The following SND1 variants were observed in gnomAD, a reference collection of about 807,000 sequenced individuals.
SND1 encodes the protein staphylococcal nuclease domain-containing protein 1.
A neutral mutation model predicts 121.7 loss-of-function variants in SND1; 38 were observed. The ratio of observed to expected loss-of-function variants is 0.31; its 90% CI spans 0.24 to 0.41. The LOEUF (loss-of-function observed/expected upper bound fraction) is 0.41. Ranked by LOEUF, SND1 falls within the 10% of genes least tolerant of loss-of-function variation. SND1 has a pLI of 1.00. For synonymous variants in SND1, 401 were observed against 447.4 expected, an observed-to-expected ratio of 0.90 and a Z score of 1.31; for missense variants, 868 against 1,184.6, an observed-to-expected ratio of 0.73 and a Z score of 3.92.
chr7:127,795,892 C>G (rs1457979074), intron 10 of SND1, among the ~76,000 whole-genome samples: 1 of 152,010 alleles, frequency 6.6e-6, no homozygotes, highest in African/African-American at 2.4e-5. Context: ...CAGTCTTGCT[C>G]TGTCACCCAG....
At chr7:127,798,322 G>A (rs541546355) in intron 10 of SND1, among the ~76,000 whole-genome samples, 1 of 152,254 alleles carries the variant, frequency 6.6e-6, no homozygotes, top group East Asian at 1.9e-4. Context: ...GGCTAGTGTG[G>A]GTCCAGACCC....
chr7:127,808,874 C>T (rs1798287268), intron 11 of SND1, among the ~76,000 whole-genome samples: 1 of 152,206 alleles, frequency 6.6e-6, no homozygotes, highest in East Asian at 1.9e-4. Context: ...CAGTTGCTTA[C>T]AGATAGCCAA....
intron 16 of SND1, among the ~76,000 whole-genome samples, chr7:128,067,234 AAG>A (rs1793331888): frequency 1.3e-5 from 2 of 152,274 alleles, no homozygotes; most frequent in East Asian, 3.9e-4. Context: ...CCCAGCCCAT[AAG>A]AGGCAGGATT....
At chr7:127,967,996 T>C (rs1256959211) in intron 15 of SND1, among the ~76,000 whole-genome samples, 1 of 152,230 alleles carries the variant, frequency 6.6e-6, no homozygotes, top group Admixed American at 6.5e-5. Context: ...GAAGGGTTGC[T>C]CTTACCTCCA....
intron 14 of SND1, among the ~76,000 whole-genome samples, chr7:127,919,486 T>C (rs1006297683): frequency 2.0e-5 from 3 of 152,230 alleles, no homozygotes; most frequent in Non-Finnish European, 4.4e-5. Flanking sequence ...ATAGAGACTT[T>C]GGAAGTGATA....
At chr7:127,754,840 T>G (rs1284814959) in intron 10 of SND1, among the ~76,000 whole-genome samples, 4 of 152,268 alleles carry the variant, frequency 2.6e-5, no homozygotes, top group Non-Finnish European at 5.9e-5. Flanking sequence ...AAAACAACTT[T>G]TGGCTTGCAA....
At chr7:127,658,131 G>T (rs1027442933) in intron 1 of SND1, among the ~76,000 whole-genome samples, 1 of 152,040 alleles carries the variant, frequency 6.6e-6, no homozygotes, top group Non-Finnish European at 1.5e-5. Flanking sequence ...AACCAACATG[G>T]CGAAACCCTA....
intron 11 of SND1, among the ~76,000 whole-genome samples, chr7:127,824,658 G>A (rs1798610591): frequency 6.6e-6 from 1 of 151,710 alleles, no homozygotes; most frequent in Non-Finnish European, 1.5e-5. Flanking sequence ...AAAAGATGGA[G>A]TATTCCTTTA....
chr7:127,797,894 G>A (rs570905860), intron 10 of SND1, among the ~76,000 whole-genome samples: 78 of 152,292 alleles, frequency 5.1e-4, no homozygotes, highest in Middle Eastern at 3.4e-3. Context: ...GGGGAACAAA[G>A]ACCTCATGCT....
intron 16 of SND1, among the ~76,000 whole-genome samples, chr7:128,005,848 T>C (rs1802961132): frequency 6.6e-6 from 1 of 152,156 alleles, no homozygotes; most frequent in South Asian, 2.1e-4. Context: ...CGGCATCAGC[T>C]GATGGAGCTG....
At chr7:128,066,390 G>A (rs917479348) in intron 16 of SND1, among the ~76,000 whole-genome samples, 2 of 152,228 alleles carry the variant, frequency 1.3e-5, no homozygotes, top group Admixed American at 1.3e-4. Flanking sequence ...TTCTAGAAAA[G>A]CAATCCACTC....
rs1208095999 is a variant in SND1, at chr7:128,029,300, G to A, written c.1779+38244G>A. On this transcript the variant is annotated intron_variant, in intron 16 of 23. Coordinates refer to ENST00000354725, the MANE Select transcript of SND1 (RefSeq NM_014390.4). This position sits in a 1 kb window ranked among gnomAD's most constrained non-coding sequence, Gnocchi z 4.2. ...TGGTGAAGAAGCTGTAGTTGGAGGT[G>A]TTAAGCTCAGCCGTGCTCACATTGA... is the stretch of plus-strand genomic sequence containing the variant. 3 of 1,614,194 alleles carry A rather than the reference G, an allele frequency of 1.9e-6. No individual in the cohort carries two copies. The highest frequency in any genetic ancestry group is 4.5e-5 in the East Asian group (2 of 44,884).
At chr7:127,919,695 T>C (rs1323659833) in intron 14 of SND1, among the ~76,000 whole-genome samples, 1 of 152,202 alleles carries the variant, frequency 6.6e-6, no homozygotes, top group African/African-American at 2.4e-5. Context: ...ATGTGGAAGA[T>C]GTTTATTGTA....
chr7:127,776,004 C>G (rs1006070329), intron 10 of SND1, among the ~76,000 whole-genome samples: 2 of 152,158 alleles, frequency 1.3e-5, no homozygotes, highest in Non-Finnish European at 2.9e-5. Context: ...GAAATACCCA[C>G]CAACGTCCAT....
chr7:127,757,217 A>C (rs1412097255), intron 10 of SND1, among the ~76,000 whole-genome samples: 1 of 152,160 alleles, frequency 6.6e-6, no homozygotes, highest in Non-Finnish European at 1.5e-5. Flanking sequence ...GGCTTTTTTC[A>C]TGCAATGTAA....
At chr7:127,805,159 G>T (rs748358769) in intron 10 of SND1, among the ~76,000 whole-genome samples, 21 of 152,120 alleles carry the variant, frequency 1.4e-4, no homozygotes, top group Non-Finnish European at 2.8e-4. Flanking sequence ...TCTGTCCCTT[G>T]TGTTAACCAG....
intron 16 of SND1, among the ~76,000 whole-genome samples, chr7:128,025,442 C>T (rs576542897): frequency 1.4e-4 from 22 of 152,122 alleles, no homozygotes; most frequent in African/African-American, 4.3e-4. Flanking sequence ...TGATTTTTCA[C>T]GGCCTTCAGT....
chr7:128,010,439 C>G (rs977028733), intron 16 of SND1, among the ~76,000 whole-genome samples: 1 of 152,172 alleles, frequency 6.6e-6, no homozygotes, highest in South Asian at 2.1e-4. Context: ...AGAAAGAGGC[C>G]CTTATTGCAA....
intron 16 of SND1, among the ~76,000 whole-genome samples, chr7:128,060,574 A>G (rs1793214430): frequency 6.6e-6 from 1 of 151,982 alleles, no homozygotes; most frequent in African/African-American, 2.4e-5. Context: ...CCCACTCTGC[A>G]TTTTCCTGCC....
Sources: allele counts gnomAD v4.1 joint callset (sites outside exome capture counted in the v4.1 genomes callset), GRCh38; gene constraint gnomAD v4.1.1; non-coding constraint Gnocchi (gnomAD v3.1); transcripts MANE v1.5; gene names NCBI Gene and HGNC (gene_info 2026-07-23, HGNC 2026-07-21).